The following TLN2 variants were observed in gnomAD, a reference collection of about 807,000 sequenced individuals.
TLN2 encodes the protein talin-2.
In TLN2, 118 loss-of-function variants were observed where a neutral mutation model predicts 294.7. That is an observed-to-expected ratio of 0.40 (90% CI 0.34 to 0.47). TLN2 has a LOEUF of 0.47. Among genes scored for constraint, TLN2 ranks in the 20% least tolerant of loss-of-function variants. The probability of loss-of-function intolerance (pLI) is 0.84; values close to 1 mark genes in which losing one functional copy is unlikely to be tolerated. For missense variants in TLN2, 3,083 were observed against 3,282.2 expected (o/e 0.94, Z 1.48); for synonymous variants, 1,431 against 1,304.5 (o/e 1.10, Z -2.09).
chr15:62,662,640 A>G (rs1449871890), intron 9 of TLN2, among the ~76,000 whole-genome samples: 2 of 152,182 alleles, frequency 1.3e-5, no homozygotes, highest in African/African-American at 4.8e-5. Context: ...TAGACACTGG[A>G]GATACAGCAG....
chr15:62,437,670 G>A (rs1186908371), intron 1 of TLN2, among the ~76,000 whole-genome samples: 2 of 152,076 alleles, frequency 1.3e-5, no homozygotes, highest in Non-Finnish European at 2.9e-5. Flanking sequence ...CCTAGCCCTT[G>A]CCTCAGGATA....
intron 4 of TLN2, among the ~76,000 whole-genome samples, chr15:62,649,271 TC>T (rs1438644465): frequency 4.6e-5 from 7 of 152,038 alleles, no homozygotes; most frequent in Admixed American, 1.3e-4. Flanking sequence ...GTTCCCTTTT[TC>T]TGTTGTTTTT....
intron 37 of TLN2, among the ~76,000 whole-genome samples, chr15:62,759,960 C>T (rs370496350): frequency 8.5e-5 from 13 of 152,182 alleles, no homozygotes; most frequent in African/African-American, 2.4e-4. Context: ...AACTTCAGAG[C>T]GATATTAACA....
chr15:62,546,703 A>T (rs1487329447), intron 1 of TLN2, among the ~76,000 whole-genome samples: 3 of 152,238 alleles, frequency 2.0e-5, no homozygotes, highest in Non-Finnish European at 4.4e-5. Context: ...AGGCAAAATC[A>T]GTTTGGTCAG....
intron 1 of TLN2, among the ~76,000 whole-genome samples, chr15:62,523,295 T>C (rs533933610): frequency 1.3e-5 from 2 of 152,348 alleles, no homozygotes; most frequent in South Asian, 4.1e-4. Flanking sequence ...CAGTGAGGTA[T>C]GGACATGGTG....
In TLN2 at chr15:62,727,181, A is replaced by G. The variant is rs779482118; in HGVS notation, c.3350A>G (p.His1117Arg). 5.6e-6 allele frequency: 9 copies of G among 1,613,986 alleles called. No homozygotes were observed. The highest frequency in any genetic ancestry group is 3.3e-5 in the South Asian group (3 of 91,052). Reference sequence around the variant, plus strand: ...ACCTGTGCTGCTCAAGGCAACGAACACTACACAGGTGAGACCCACGCCCTT... The same window carrying G: ...ACCTGTGCTGCTCAAGGCAACGAACGCTACACAGGTGAGACCCACGCCCTT... ...LLTCAAQGNE[H>R]YTGVAARETA... is the part of the protein sequence containing the mutation. The change falls in exon 28 of 59, where the codon CAC becomes CGC. Residue 1117 changes from histidine (H) to arginine (R), a missense_variant. Physicochemically the swap from His to Arg is conservative, Grantham distance 29. Transcript: ENST00000636159.
chr15:62,666,694 T>C (rs988421579), intron 9 of TLN2, among the ~76,000 whole-genome samples: 1 of 152,184 alleles, frequency 6.6e-6, no homozygotes, highest in Admixed American at 6.5e-5. Context: ...CCCAGCTCAC[T>C]CAGTGCTTCC....
At chr15:62,755,752 G>A (rs1480874543) in intron 37 of TLN2, 59 bp downstream of exon 37, 12 of 1,592,320 alleles carry the variant, frequency 7.5e-6, no homozygotes, top group Admixed American at 6.9e-5. Flanking sequence ...GGCGGGGGAA[G>A]GGGAACAAGA....
chr15:62,796,246 A>T lies in TLN2; in HGVS notation c.6003A>T (p.Thr2001=). Residue 2001 remains threonine (T), a synonymous_variant, in exon 47 of 59, where the codon ACA becomes ACT. Transcript: ENST00000636159. ...ADLDTTIMFA[T]AGTLNAENSE... ...TGGACACCACCATTATGTTTGCAAC[A>T]GCGGGGACGCTGAATGCAGAGAACA... 6.2e-7 allele frequency: 1 copy of T among 1,614,256 alleles called. No homozygotes were observed. Among genetic ancestry groups the T allele is most frequent in the South Asian group, 1.1e-5 (1 of 91,086 alleles).
intron 45 of TLN2, among the ~76,000 whole-genome samples, chr15:62,785,982 A>G (rs1380093518): frequency 3.9e-5 from 6 of 152,244 alleles, no homozygotes; most frequent in Admixed American, 6.5e-5. Flanking sequence ...TGACGTTTTC[A>G]TTAAGGTTTT....
chr15:62,834,585 C>T (rs16945848), intron 55 of TLN2: 14,870 of 152,168 alleles, frequency 0.098, 756 homozygotes, highest in South Asian at 0.16. Context: ...CTTGAATTCT[C>T]TTTCTAAACC....
intron 2 of TLN2, among the ~76,000 whole-genome samples, chr15:62,617,571 T>G (rs1259665800): frequency 6.6e-6 from 1 of 152,202 alleles, no homozygotes; most frequent in Non-Finnish European, 1.5e-5. Flanking sequence ...GAGCTCCCTG[T>G]GTTGGTGGTC....
intron 11 of TLN2, chr15:62,682,945 C>G (rs1272432348): frequency 6.6e-6 from 1 of 152,326 alleles, no homozygotes; most frequent in East Asian, 1.9e-4. Flanking sequence ...TTCGGAGCAT[C>G]TCAGAATCCC....
intron 22 of TLN2, 89 bp from the exon 23 acceptor site, chr15:62,716,238 GCTTT>G: frequency 7.6e-7 from 1 of 1,316,874 alleles, no homozygotes. Context: ...CCTTGCAAAT[GCTTT>G]CTATTACTAA....
At chr15:62,554,513 G>T (rs928246279) in intron 1 of TLN2, among the ~76,000 whole-genome samples, 12 of 151,894 alleles carry the variant, frequency 7.9e-5, no homozygotes, top group African/African-American at 2.9e-4. Flanking sequence ...GAAAAACTCA[G>T]GAGAATTGTA....
chr15:62,638,739 C>A, intron 3 of TLN2: 1 of 409,886 alleles, frequency 2.4e-6, no homozygotes, highest in Non-Finnish European at 4.8e-6. Context: ...CCCATTCATG[C>A]ATTAAATAAA....
At chr15:62,748,317 C>CAA (rs74266534) in intron 32 of TLN2, 34 bp from the exon 33 acceptor site, 3,945 of 1,249,936 alleles carry the variant, frequency 3.2e-3, no homozygotes, top group Non-Finnish European at 3.5e-3. Flanking sequence ...TGTTGATCTT[C>CAA]AAAAAAAAAA....
At chr15:62,614,128 G>T (rs1202015006) in intron 2 of TLN2, among the ~76,000 whole-genome samples, 1 of 152,114 alleles carries the variant, frequency 6.6e-6, no homozygotes, top group Non-Finnish European at 1.5e-5. Context: ...TATAAATTAT[G>T]ACTCAAAAAT....
At chr15:62,603,943 A>G (rs764841820) in intron 2 of TLN2, among the ~76,000 whole-genome samples, 4 of 152,222 alleles carry the variant, frequency 2.6e-5, no homozygotes, top group Non-Finnish European at 4.4e-5. Context: ...GCTACTGCCT[A>G]TGTTGCAGCT....
Sources: allele counts gnomAD v4.1 joint callset (sites outside exome capture counted in the v4.1 genomes callset), GRCh38; gene constraint gnomAD v4.1.1; transcripts MANE v1.5; gene names NCBI Gene and HGNC (gene_info 2026-07-23, HGNC 2026-07-21).